Variants in SLC44A5 observed in about 807,000 individuals in gnomAD.
SLC44A5 encodes choline transporter-like protein 5.
A neutral mutation model predicts 101.8 loss-of-function variants in SLC44A5; 57 were observed. That is an observed-to-expected ratio of 0.56 (90% CI 0.45 to 0.70). SLC44A5 has a LOEUF of 0.70. SLC44A5 is among the 30% of genes least tolerant of loss of function. SLC44A5 has a pLI of 0.00. For missense variants in SLC44A5, 737 were observed against 853.1 expected, an observed-to-expected ratio of 0.86 and a Z score of 1.70; for synonymous variants, 281 against 290.9, an observed-to-expected ratio of 0.97 and a Z score of 0.35.
intron 5 of SLC44A5, among the ~76,000 whole-genome samples, chr1:75,299,118 A>T (rs115560658): frequency 0.012 from 1,812 of 152,300 alleles, 53 homozygotes; most frequent in African/African-American, 0.041. Flanking sequence ...CCAAAATTCT[A>T]TATTTTGTGT....
intron 2 of SLC44A5, among the ~76,000 whole-genome samples, chr1:75,492,152 A>G (rs1668459218): frequency 6.6e-6 from 1 of 152,168 alleles, no homozygotes; most frequent in South Asian, 2.1e-4. Flanking sequence ...CTTATCCCTG[A>G]AGTATCACAT....
intron 2 of SLC44A5, among the ~76,000 whole-genome samples, chr1:75,431,104 A>G (rs186415906): frequency 6.6e-6 from 1 of 152,330 alleles, no homozygotes; most frequent in African/African-American, 2.4e-5. Context: ...TGGGAAAAAA[A>G]ATCCAAACCG....
At chr1:75,431,075 G>A (rs1450621217) in intron 2 of SLC44A5, among the ~76,000 whole-genome samples, 1 of 152,140 alleles carries the variant, frequency 6.6e-6, no homozygotes, top group Non-Finnish European at 1.5e-5. Context: ...GGAGGATGGA[G>A]ACATAATTGA....
intron 1 of SLC44A5, among the ~76,000 whole-genome samples, chr1:75,562,613 G>C (rs564217636): frequency 4.7e-4 from 71 of 152,154 alleles, no homozygotes; most frequent in Non-Finnish European, 7.8e-4. Flanking sequence ...GCTTAAGCCC[G>C]GAGATGGAGT....
At chr1:75,412,722 G>A (rs1192283538) in intron 2 of SLC44A5, among the ~76,000 whole-genome samples, 1 of 152,150 alleles carries the variant, frequency 6.6e-6, no homozygotes, top group Non-Finnish European at 1.5e-5. Flanking sequence ...GTTTTAAATT[G>A]TATACTGTTC....
chr1:75,360,357 C>CG (rs1161202281), intron 3 of SLC44A5, among the ~76,000 whole-genome samples: 1 of 151,980 alleles, frequency 6.6e-6, no homozygotes, highest in Non-Finnish European at 1.5e-5. Context: ...ATTTCATAGA[C>CG]GGGGGTCTCA....
intron 1 of SLC44A5, among the ~76,000 whole-genome samples, chr1:75,570,376 C>T (rs551650949): frequency 3.3e-5 from 5 of 152,216 alleles, no homozygotes; most frequent in East Asian, 1.9e-4. Context: ...CAGAAATACA[C>T]AGAAGAAATC....
the SLC44A5 span, among the ~76,000 whole-genome samples, chr1:75,692,257 G>A: frequency 2.2e-5 from 3 of 135,244 alleles, no homozygotes; most frequent in Admixed American, 8.1e-5. Flanking sequence ...GCAGTGGCAC[G>A]AACTTGGCTC....
At chr1:75,225,931 C>T (rs599291) in intron 13 of SLC44A5, among the ~76,000 whole-genome samples, 68,510 of 151,874 alleles carry the variant, frequency 0.45, 16,397 homozygotes, top group African/African-American at 0.6. Context: ...GCACAGAACC[C>T]GTAACTAAGA....
chr1:75,392,269 T>C (rs1661841741), intron 3 of SLC44A5, among the ~76,000 whole-genome samples: 1 of 152,048 alleles, frequency 6.6e-6, no homozygotes, highest in Non-Finnish European at 1.5e-5. Context: ...TAGCAAACTA[T>C]GCACCCAACA....
At chr1:75,712,881 G>A in the SLC44A5 span, among the ~76,000 whole-genome samples, 1 of 152,014 alleles carries the variant, frequency 6.6e-6, no homozygotes, top group Non-Finnish European at 1.5e-5. Context: ...TCAAACTACT[G>A]TCATAATTCT....
At chr1:75,227,242 G>A (rs1268468672) in intron 13 of SLC44A5, among the ~76,000 whole-genome samples, 1 of 152,098 alleles carries the variant, frequency 6.6e-6, no homozygotes, top group Non-Finnish European at 1.5e-5. Flanking sequence ...GCACACATCT[G>A]TGGTCCTAGC....
intron 2 of SLC44A5, among the ~76,000 whole-genome samples, chr1:75,523,196 T>A (rs138337179): frequency 9.8e-5 from 15 of 152,286 alleles, no homozygotes; most frequent in Admixed American, 2.6e-4. Flanking sequence ...TGTTTAGCAA[T>A]GACTAGTGCA....
chr1:75,578,202 A>G lies in SLC44A5; in HGVS notation c.-70+32838T>C, dbSNP rs189305139. On this transcript the variant is annotated intron_variant, in intron 1 of 23. Coordinates refer to ENST00000370859, the MANE Select transcript of SLC44A5 (RefSeq NM_001130058.2). The stretch of plus-strand genomic sequence containing the variant: ...GAAGAATTATAAAAATTAGTGATAT[A>G]TAATTTATATATGGTTCTGTATTCA... 1.8e-3 allele frequency among the ~76,000 whole-genome samples: 273 copies of G among 152,228 alleles called. 1 individual carries two copies. Among genetic ancestry groups the G allele is most frequent in the African/African-American group, 6.0e-3 (251 of 41,576 alleles).
intron 4 of SLC44A5, among the ~76,000 whole-genome samples, chr1:75,323,707 A>G (rs1252931467): frequency 6.6e-6 from 1 of 152,184 alleles, no homozygotes; most frequent in Admixed American, 6.6e-5. Flanking sequence ...TGTTTCGCTA[A>G]TTCTTCCTAT....
chr1:75,700,693 C>T, the SLC44A5 span, among the ~76,000 whole-genome samples: 3 of 152,046 alleles, frequency 2.0e-5, no homozygotes, highest in Non-Finnish European at 4.4e-5. Flanking sequence ...ACAAAAAACC[C>T]TTCAAAAAAT....
chr1:75,313,086 C>T lies in SLC44A5; in HGVS notation c.102-12401G>A, dbSNP rs566921639. Among the ~76,000 whole-genome samples the T allele has an allele frequency of 8.5e-5, 13 of 152,266 alleles. No homozygotes were observed. The South Asian group carries it at 2.3e-3, about 27-fold the overall frequency. On this transcript the variant is annotated intron_variant, in intron 4 of 23. Transcript: ENST00000370859. ...ATTGGGATGAAGTGTGTGGTGAATG[C>T]GGTGTGGTAGCAACACAGAAGAGAA...
intron 5 of SLC44A5, among the ~76,000 whole-genome samples, chr1:75,280,964 T>C (rs1652494772): frequency 6.6e-6 from 1 of 152,108 alleles, no homozygotes; most frequent in Non-Finnish European, 1.5e-5. Context: ...GGTACAGGAA[T>C]GGGGTGCTGC....
At position 75,214,684 on chromosome 1, in the gene SLC44A5, G is replaced by A. The variant is rs772050721; in HGVS notation, c.1729-6C>T. ...TTTCTGCCATATATTGCAATCTGAG[G>A]AAGACAGTGGCTATTATTCTGGAGC... On this transcript the variant is annotated splice_polypyrimidine_tract_variant and splice_region_variant and intron_variant, in intron 19 of 23. Transcript: ENST00000370859. The A allele has an allele frequency of 1.6e-5, 25 of 1,608,766 alleles. No homozygotes were observed. In the East Asian group the frequency reaches 5.4e-4, roughly 35 times the overall value.
Sources: gnomAD v4.1 joint callset for allele counts (sites outside exome capture counted in the v4.1 genomes callset) on GRCh38, gnomAD v4.1.1 for gene constraint, MANE v1.5 for transcripts, NCBI Gene and HGNC (gene_info 2026-07-23, HGNC 2026-07-21) for gene names.